RBMS3: variants seen among roughly 807,000 people sequenced by gnomAD.
RBMS3 encodes RNA binding motif single stranded interacting protein 3.
Under a neutral mutation model 66.8 loss-of-function variants are expected in RBMS3, and 27 were observed. The ratio of observed to expected loss-of-function variants is 0.40; its 90% CI spans 0.30 to 0.56. The LOEUF is 0.56. Among genes scored for constraint, RBMS3 ranks in the 20% least tolerant of loss-of-function variants. RBMS3 has a pLI of 0.40. For missense variants in RBMS3, 513 were observed against 549.5 expected (o/e 0.93, Z 0.66); for synonymous variants, 188 against 183.0 (o/e 1.03, Z -0.22).
intron 2 of RBMS3, among the ~76,000 whole-genome samples, chr3:29,466,523 C>G (rs1212863474): frequency 1.3e-5 from 2 of 151,982 alleles, no homozygotes; most frequent in Non-Finnish European, 2.9e-5. Context: ...TAAAATTGCT[C>G]TTAATGAGAC....
intron 5 of RBMS3, among the ~76,000 whole-genome samples, chr3:29,754,646 G>GA (rs1250551575): frequency 1.3e-5 from 2 of 152,160 alleles, no homozygotes; most frequent in Non-Finnish European, 2.9e-5. Context: ...CATAAGTACA[G>GA]AGATTATATG....
intron 2 of RBMS3, among the ~76,000 whole-genome samples, chr3:29,470,778 T>A (rs1227086231): frequency 6.6e-6 from 1 of 152,126 alleles, no homozygotes; most frequent in Non-Finnish European, 1.5e-5. Context: ...AAATGAATTG[T>A]CACTTATATA....
chr3:29,384,417 C>T (rs1309369127), intron 1 of RBMS3, among the ~76,000 whole-genome samples: 1 of 137,414 alleles, frequency 7.3e-6, no homozygotes, highest in African/African-American at 2.7e-5. Context: ...ACATATACAC[C>T]AATAATAATA....
intron 7 of RBMS3, among the ~76,000 whole-genome samples, chr3:29,869,738 T>C (rs534962705): frequency 1.3e-5 from 2 of 152,282 alleles, no homozygotes; most frequent in African/African-American, 2.4e-5. Flanking sequence ...ATTTGTGAAA[T>C]GGAATAGAGT....
At chr3:29,493,639 G>GA (rs3836336) in intron 3 of RBMS3, among the ~76,000 whole-genome samples, 18,777 of 151,712 alleles carry the variant, frequency 0.12, 1,560 homozygotes, top group African/African-American at 0.23. Flanking sequence ...TTTTGGGCAA[G>GA]AAAAAAATAC....
At chr3:29,937,076 C>G (rs2061285700) in intron 11 of RBMS3, among the ~76,000 whole-genome samples, 1 of 151,946 alleles carries the variant, frequency 6.6e-6, no homozygotes, top group African/African-American at 2.4e-5. Context: ...AATATGTTTT[C>G]TTTTGACTGA....
rs6777043 is a variant in RBMS3 at position 29,905,417 on chromosome 3, G to A, written c.939+5662G>A. 3.4e-3 allele frequency among the ~76,000 whole-genome samples: 515 copies of A among 152,074 alleles called. 1 individual carries two copies. Among genetic ancestry groups the A allele is most frequent in the African/African-American group, 0.012 (500 of 41,518 alleles). ...ATTTTATAGCATGAGATGAGATTAA[G>A]ATTCAAAATTTCATTTTTTTGATTT... On this transcript the variant is annotated intron_variant, in intron 10 of 14. Transcript: ENST00000383767.
chr3:29,523,882 T>G (rs2044967457), intron 3 of RBMS3, among the ~76,000 whole-genome samples: 1 of 151,896 alleles, frequency 6.6e-6, no homozygotes, highest in Non-Finnish European at 1.5e-5. Context: ...TTACAGAAAT[T>G]TGCCACAAAT....
chr3:29,421,486 T>C (rs1208935056), intron 1 of RBMS3, among the ~76,000 whole-genome samples: 2 of 152,200 alleles, frequency 1.3e-5, no homozygotes, highest in Non-Finnish European at 2.9e-5. Flanking sequence ...TAAAACTCCT[T>C]TTAATTAAGT....
chr3:29,990,981 T>G, intron 13 of RBMS3, 101 bp from the exon 14 acceptor site: 1 of 1,133,424 alleles, frequency 8.8e-7, no homozygotes, highest in Non-Finnish European at 1.3e-6. Flanking sequence ...GCTGAGGGTA[T>G]CTCTACTTAA....
intron 1 of RBMS3, among the ~76,000 whole-genome samples, chr3:29,363,685 G>T (rs1019659054): frequency 6.6e-6 from 1 of 151,948 alleles, no homozygotes; most frequent in Non-Finnish European, 1.5e-5. Flanking sequence ...AGCTACTCAG[G>T]TGGCTGAGGC....
rs959290557 is a variant in RBMS3 at position 29,675,363 on chromosome 3, T to A, written c.400-64357T>A. ...GGCAGTATCATTCAGGACATAGGCATGGGCAAGGACTTCATGTCTAAAACA... is the reference window on the plus strand; with the variant it reads ...GGCAGTATCATTCAGGACATAGGCAAGGGCAAGGACTTCATGTCTAAAACA... On this transcript the variant is annotated intron_variant, in intron 4 of 14. Transcript: ENST00000383767. 1.8e-4 allele frequency among the ~76,000 whole-genome samples: 28 copies of A among 152,120 alleles called. 1 individual carries two copies. Among genetic ancestry groups the A allele is most frequent in the African/African-American group, 6.8e-4 (28 of 41,406 alleles).
intron 12 of RBMS3, among the ~76,000 whole-genome samples, chr3:29,986,525 AAT>A (rs1477051136): frequency 6.6e-6 from 1 of 152,222 alleles, no homozygotes; most frequent in Non-Finnish European, 1.5e-5. Context: ...TGTTCCAAGG[AAT>A]ATATTGTAAA....
intron 4 of RBMS3, among the ~76,000 whole-genome samples, chr3:29,602,637 A>AT (rs564066739): frequency 2.6e-3 from 399 of 151,902 alleles, no homozygotes; most frequent in Non-Finnish European, 3.8e-3. Flanking sequence ...AAAAGAACTG[A>AT]TTTTTTTTGC....
chr3:29,788,788 T>C (rs924764703), intron 6 of RBMS3, among the ~76,000 whole-genome samples: 3 of 152,176 alleles, frequency 2.0e-5, no homozygotes, highest in African/African-American at 7.2e-5. Flanking sequence ...TAGTATATGC[T>C]TATTTAATTT....
At chr3:29,886,026 TA>T (rs1424541000) in intron 8 of RBMS3, among the ~76,000 whole-genome samples, 1 of 151,878 alleles carries the variant, frequency 6.6e-6, no homozygotes, top group African/African-American at 2.4e-5. Flanking sequence ...CATTTTTAAT[TA>T]AAAAGATAGT....
chr3:29,775,686 G>A (rs1342459776), intron 6 of RBMS3, among the ~76,000 whole-genome samples: 1 of 152,010 alleles, frequency 6.6e-6, no homozygotes, highest in Non-Finnish European at 1.5e-5. Flanking sequence ...CAGTGTGAGT[G>A]CTATTCACCA....
chr3:29,692,931 C>T (rs372293182), intron 4 of RBMS3, among the ~76,000 whole-genome samples: 51 of 152,158 alleles, frequency 3.4e-4, no homozygotes, highest in African/African-American at 1.1e-3. Flanking sequence ...TGTTTTGGTA[C>T]GGACAGATCC....
At chr3:29,486,916 T>C (rs549307195) in intron 2 of RBMS3, among the ~76,000 whole-genome samples, 17 of 152,312 alleles carry the variant, frequency 1.1e-4, no homozygotes, top group Middle Eastern at 6.8e-3. Flanking sequence ...ATACCTGATC[T>C]AATTTTTCTT....
Sources: allele counts gnomAD v4.1 joint callset (sites outside exome capture counted in the v4.1 genomes callset), GRCh38; gene constraint gnomAD v4.1.1; transcripts MANE v1.5; gene names NCBI Gene and HGNC (gene_info 2026-07-23, HGNC 2026-07-21).